The following SKAP1 variants were observed in gnomAD, a reference collection of about 807,000 sequenced individuals.
The protein encoded by SKAP1 is src kinase associated phosphoprotein 1.
A neutral mutation model predicts 58.5 loss-of-function variants in SKAP1; 44 were observed. The ratio of observed to expected loss-of-function variants is 0.75; its 90% CI spans 0.59 to 0.97. The LOEUF is 0.97. Ranked by LOEUF, SKAP1 falls within the 50% of genes least tolerant of loss-of-function variation. SKAP1 has a pLI of 0.00. For synonymous variants in SKAP1, 127 were observed against 149.7 expected, an observed-to-expected ratio of 0.85 and a Z score of 1.11; for missense variants, 390 against 435.2, an observed-to-expected ratio of 0.90 and a Z score of 0.92.
intron 4 of SKAP1, among the ~76,000 whole-genome samples, chr17:48,198,454 CAAAAAAAAAA>C (rs55958821): frequency 3.6e-4 from 18 of 49,946 alleles, no homozygotes; most frequent in African/African-American, 1.4e-3. Flanking sequence ...GACTCCGTCT[CAAAAAAAAAA>C]AAAAAAAAAA....
chr17:48,338,334 T>C (rs1188922423), intron 4 of SKAP1, among the ~76,000 whole-genome samples: 3 of 151,938 alleles, frequency 2.0e-5, no homozygotes. Context: ...ATATTTTTAG[T>C]AGAGATGGGG....
intron 3 of SKAP1, among the ~76,000 whole-genome samples, chr17:48,352,337 T>C (rs1340946965): frequency 6.6e-6 from 1 of 152,232 alleles, no homozygotes; most frequent in Non-Finnish European, 1.5e-5. Flanking sequence ...ATTGTTCAAC[T>C]GGTACTAAAA....
At position 48,180,058 on chromosome 17, in the gene SKAP1, C is replaced by A. The variant is rs1033101502; in HGVS notation, c.822G>T (p.Leu274Phe). The A allele has an allele frequency of 1.9e-6, 3 of 1,585,630 alleles. No individual in the cohort carries two copies. The highest frequency in any genetic ancestry group is 1.4e-5 in the African/African-American group (1 of 73,260). ...TCAGAGGACAAAATTTCTCACCTGGCAAGACTTCATAAATATCTTCTTCTT... is the reference window on the plus strand; with the variant it reads ...TCAGAGGACAAAATTTCTCACCTGGAAAGACTTCATAAATATCTTCTTCTT... ...EKEEEDIYEV[L>F]PDEEHDLEED... Residue 274 changes from leucine to phenylalanine, a missense_variant, in exon 9 of 13, where the codon TTG (leucine) becomes TTT (phenylalanine). By Grantham distance (22) the Leu-to-Phe change is conservative. Coordinates refer to ENST00000336915, the MANE Select transcript of SKAP1 (RefSeq NM_003726.4).
intron 11 of SKAP1, among the ~76,000 whole-genome samples, chr17:48,153,263 GCA>G (rs988246397): frequency 6.6e-6 from 1 of 152,134 alleles, no homozygotes; most frequent in Non-Finnish European, 1.5e-5. Flanking sequence ...GCATGCATAT[GCA>G]CACACACATA....
intron 10 of SKAP1, among the ~76,000 whole-genome samples, chr17:48,165,758 C>G (rs1333026154): frequency 6.6e-6 from 1 of 152,114 alleles, no homozygotes; most frequent in Non-Finnish European, 1.5e-5. Context: ...AGGCTTGCCT[C>G]TATGGGCTGG....
intron 4 of SKAP1, among the ~76,000 whole-genome samples, chr17:48,266,677 A>G (rs1682154104): frequency 6.6e-6 from 1 of 151,474 alleles, no homozygotes; most frequent in South Asian, 2.1e-4. Flanking sequence ...CGCCCGGCTA[A>G]TTTTTTGTAT....
chr17:48,168,411 C>A lies in SKAP1; in HGVS notation c.877+2198G>T, dbSNP rs561173806. Among the ~76,000 whole-genome samples the A allele has an allele frequency of 1.4e-4, 22 of 152,192 alleles. 1 individual carries two copies. The South Asian group carries it at 4.6e-3, about 31-fold the overall frequency. ...GTGGCTCATGCCTGTAATCCCAGCACTTTGGGAGGCCAAGACGGTCGGATC... is the reference window on the plus strand; with the variant it reads ...GTGGCTCATGCCTGTAATCCCAGCAATTTGGGAGGCCAAGACGGTCGGATC... On this transcript the variant is annotated intron_variant, in intron 10 of 12. Transcript: ENST00000336915.
At chr17:48,194,657 C>T (rs140482528) in intron 4 of SKAP1, among the ~76,000 whole-genome samples, 1 of 152,226 alleles carries the variant, frequency 6.6e-6, no homozygotes, top group Admixed American at 6.5e-5. Flanking sequence ...CTGGCTTGGT[C>T]TCTTGCTAAA....
intron 4 of SKAP1, among the ~76,000 whole-genome samples, chr17:48,324,859 T>C (rs1318266406): frequency 6.6e-6 from 1 of 152,058 alleles, no homozygotes; most frequent in Non-Finnish European, 1.5e-5. Flanking sequence ...CAGCGTGTGG[T>C]CACTCCCTAT....
At chr17:48,242,173 C>A (rs1286598735) in intron 4 of SKAP1, among the ~76,000 whole-genome samples, 2 of 152,228 alleles carry the variant, frequency 1.3e-5, no homozygotes, top group Admixed American at 6.5e-5. Context: ...TGGCATCTGG[C>A]TTCCAGCAGG....
At chr17:48,404,105 A>T (rs1440589249) in intron 1 of SKAP1, among the ~76,000 whole-genome samples, 1 of 151,220 alleles carries the variant, frequency 6.6e-6, no homozygotes, top group Non-Finnish European at 1.5e-5. Flanking sequence ...AAAAAAAAAA[A>T]ATAGAAATCA....
At chr17:48,239,848 G>C (rs59971171) in intron 4 of SKAP1, among the ~76,000 whole-genome samples, 1 of 115,884 alleles carries the variant, frequency 8.6e-6, no homozygotes. Flanking sequence ...GAGAGAGAGA[G>C]ACAGAGAGAG....
At chr17:48,373,579 A>T (rs971745965) in intron 2 of SKAP1, among the ~76,000 whole-genome samples, 2 of 152,232 alleles carry the variant, frequency 1.3e-5, no homozygotes, top group African/African-American at 4.8e-5. Context: ...TATGGGCATG[A>T]ATCAACCCTA....
intron 3 of SKAP1, among the ~76,000 whole-genome samples, chr17:48,359,941 C>T (rs988840259): frequency 9.2e-5 from 14 of 152,160 alleles, no homozygotes; most frequent in African/African-American, 2.4e-4. Context: ...TTTACTTTGA[C>T]GTGAATATAG....
chr17:48,177,629 C>T (rs1035321411), intron 9 of SKAP1, among the ~76,000 whole-genome samples: 4 of 152,166 alleles, frequency 2.6e-5, no homozygotes, highest in Admixed American at 2.0e-4. Flanking sequence ...CAGTGTTAGG[C>T]CCCCTCACAT....
At chr17:48,235,828 C>G (rs920819643) in intron 4 of SKAP1, among the ~76,000 whole-genome samples, 2 of 152,186 alleles carry the variant, frequency 1.3e-5, no homozygotes, top group African/African-American at 4.8e-5. Context: ...CTTTCTCCTG[C>G]TTTACTCATC....
chr17:48,344,214 A>T (rs967963329), intron 4 of SKAP1: 22 of 444,488 alleles, frequency 4.9e-5, no homozygotes, highest in African/African-American at 4.5e-4. Flanking sequence ...AATTTTATTT[A>T]TAGATTTTGT....
rs763295418 is a variant in SKAP1 at position 48,363,833 on chromosome 17, A to T, written c.153-19T>A. On this transcript the variant is annotated intron_variant, in intron 2 of 12. Transcript: ENST00000336915. The stretch of plus-strand genomic sequence containing the variant: ...ATAGTACCTGAAATACAAGGGGGAA[A>T]AAAAAAGGGAATAAGTCAAACTTGT... The T allele has an allele frequency of 4.4e-6, 7 of 1,603,530 alleles. No homozygotes were observed. In the East Asian group the frequency reaches 1.3e-4, roughly 31 times the overall value.
chr17:48,182,374 T>G lies in SKAP1; in HGVS notation c.631+20A>C. 6.5e-7 allele frequency: 1 copy of G among 1,549,396 alleles called. No homozygotes were observed. Among genetic ancestry groups the G allele is most frequent in the Non-Finnish European group, 8.9e-7 (1 of 1,128,264 alleles). ...ACTGCAAATCAACTCAAGTATTATT[T>G]CTGTAACAATGACACTTACCCTTTA... On this transcript the variant is annotated intron_variant, in intron 8 of 12. Coordinates refer to ENST00000336915, the MANE Select transcript of SKAP1 (RefSeq NM_003726.4).
Sources: allele counts gnomAD v4.1 joint callset (sites outside exome capture counted in the v4.1 genomes callset), GRCh38; gene constraint gnomAD v4.1.1; transcripts MANE v1.5; gene names NCBI Gene and HGNC (gene_info 2026-07-23, HGNC 2026-07-21).